LRMDA: variants seen among roughly 807,000 people sequenced by gnomAD.
LRMDA encodes leucine-rich melanocyte differentiation-associated protein.
Under a neutral mutation model 29.8 loss-of-function variants are expected in LRMDA, and 18 were observed. The observed-to-expected ratio is 0.60, with a 90% CI of 0.42 to 0.90. The LOEUF is 0.90. Ranked by LOEUF, LRMDA falls within the 40% of genes least tolerant of loss-of-function variation. The pLI, the probability that LRMDA is intolerant of heterozygous loss-of-function variation, is 0.00. For synonymous variants in LRMDA, 125 were observed against 109.4 expected (o/e 1.14, Z -0.89); for missense variants, 273 against 273.9 (o/e 1.00, Z 0.02).
chr10:75,623,547 T>C (rs932272116), intron 2 of LRMDA, among the ~76,000 whole-genome samples: 2 of 152,228 alleles, frequency 1.3e-5, no homozygotes, highest in Admixed American at 6.5e-5. Context: ...TGAAAGGGAC[T>C]GACTGCAGGA....
chr10:75,580,821 G>T (rs7897165), intron 2 of LRMDA, among the ~76,000 whole-genome samples: 3 of 151,970 alleles, frequency 2.0e-5, no homozygotes, highest in Non-Finnish European at 2.9e-5. Flanking sequence ...AATGGGGAAA[G>T]GATTCCCTAT....
At position 76,457,679 on chromosome 10, in the gene LRMDA, C is replaced by T. The variant is rs1842471125; in HGVS notation, c.602-99530C>T. On this transcript the variant is annotated intron_variant, in intron 6 of 6. Transcript: ENST00000611255. ...ATAGTGCTATGGGCCATAAGTTCGA[C>T]ATTAATGAATCAACAAAATATCTTA... Among the ~76,000 whole-genome samples, 5 of 152,214 alleles carry T rather than the reference C, an allele frequency of 3.3e-5. No homozygotes were observed. In the South Asian group the frequency reaches 1.0e-3, roughly 32 times the overall value.
At chr10:75,550,246 A>C (rs1488680155) in intron 2 of LRMDA, among the ~76,000 whole-genome samples, 1 of 152,068 alleles carries the variant, frequency 6.6e-6, no homozygotes, top group Non-Finnish European at 1.5e-5. Context: ...CTATATCTTT[A>C]CTTATTTTTG....
intron 2 of LRMDA, among the ~76,000 whole-genome samples, chr10:75,856,240 T>C (rs375709671): frequency 6.6e-6 from 1 of 152,206 alleles, no homozygotes; most frequent in Non-Finnish European, 1.5e-5. Context: ...TTTTATTTCA[T>C]TGAGCAGTGG....
intron 6 of LRMDA, among the ~76,000 whole-genome samples, chr10:76,337,838 G>A (rs1354668609): frequency 1.3e-5 from 2 of 151,920 alleles, no homozygotes; most frequent in Non-Finnish European, 2.9e-5. Flanking sequence ...TGGTTAAAGT[G>A]GAAAGTCCCA....
At chr10:76,359,793 G>A (rs948799874) in intron 6 of LRMDA, among the ~76,000 whole-genome samples, 1 of 152,152 alleles carries the variant, frequency 6.6e-6, no homozygotes, top group Non-Finnish European at 1.5e-5. Context: ...TAGAATAGCG[G>A]CTTTTGAAAG....
intron 5 of LRMDA, among the ~76,000 whole-genome samples, chr10:76,120,653 TAGAA>T (rs1849769472): frequency 6.6e-6 from 1 of 152,168 alleles, no homozygotes; most frequent in Non-Finnish European, 1.5e-5. Flanking sequence ...TGTTTGATGA[TAGAA>T]AGACCAAAAC....
intron 2 of LRMDA, among the ~76,000 whole-genome samples, chr10:75,969,262 G>T (rs1392298391): frequency 6.6e-6 from 1 of 152,196 alleles, no homozygotes; most frequent in Admixed American, 6.5e-5. Context: ...TGAGTCTAAA[G>T]TCTGTTTTCC....
chr10:75,947,977 C>T (rs531306647), intron 2 of LRMDA, among the ~76,000 whole-genome samples: 4 of 152,300 alleles, frequency 2.6e-5, no homozygotes, highest in East Asian at 1.9e-4. Context: ...ATTTGGGACC[C>T]CCACTATTAC....
chr10:76,511,750 T>A (rs1564562849), intron 6 of LRMDA, among the ~76,000 whole-genome samples: 1 of 151,438 alleles, frequency 6.6e-6, no homozygotes, highest in South Asian at 2.1e-4. Context: ...AAAGTCCATA[T>A]TCATGAATTA....
At chr10:76,507,407 TTTG>T (rs1269645665) in intron 6 of LRMDA, among the ~76,000 whole-genome samples, 1 of 151,728 alleles carries the variant, frequency 6.6e-6, no homozygotes, top group Non-Finnish European at 1.5e-5. Context: ...TATGCATTCA[TTTG>T]TTTATTGTTT....
At chr10:75,698,637 A>G (rs1004157170) in intron 2 of LRMDA, among the ~76,000 whole-genome samples, 4 of 127,116 alleles carry the variant, frequency 3.1e-5, no homozygotes, top group African/African-American at 1.1e-4. Flanking sequence ...TGTCTTCAAC[A>G]GTGGTCCGTA....
At chr10:76,248,162 G>T (rs1852409961) in intron 5 of LRMDA, among the ~76,000 whole-genome samples, 2 of 152,068 alleles carry the variant, frequency 1.3e-5, no homozygotes, top group Admixed American at 6.6e-5. Context: ...ATAATGTCTG[G>T]ATACATTTTT....
chr10:76,373,311 A>G (rs1196752827), intron 6 of LRMDA, among the ~76,000 whole-genome samples: 1 of 152,172 alleles, frequency 6.6e-6, no homozygotes, highest in Non-Finnish European at 1.5e-5. Flanking sequence ...GTCCATCAGC[A>G]TTGGCGATGT....
intron 2 of LRMDA, among the ~76,000 whole-genome samples, chr10:75,952,496 ACTCT>A (rs980083372): frequency 2.6e-5 from 4 of 150,970 alleles, no homozygotes; most frequent in African/African-American, 7.3e-5. Context: ...GTTCTCTCCC[ACTCT>A]CTCTCTCTCT....
At position 76,054,501 on chromosome 10, in the gene LRMDA, C is replaced by T. The variant is rs987912911; in HGVS notation, c.399-4165C>T. Among the ~76,000 whole-genome samples the T allele has an allele frequency of 2.0e-5, 3 of 151,886 alleles. No individual in the cohort carries two copies. The East Asian group carries it at 5.9e-4, about 30-fold the overall frequency. On this transcript the variant is annotated intron_variant, in intron 4 of 6. Transcript: ENST00000611255. The stretch of plus-strand genomic sequence containing the variant: ...CAAAGTGAGGCAAAATGACAATGTG[C>T]GGTCTGTTGTCATCATGGTTCCTGC...
intron 2 of LRMDA, among the ~76,000 whole-genome samples, chr10:75,889,919 A>G (rs146312540): frequency 6.6e-6 from 1 of 152,232 alleles, no homozygotes; most frequent in Non-Finnish European, 1.5e-5. Context: ...AAGAAGAATA[A>G]GACTCTAAGA....
At chr10:75,804,043 G>A (rs762366448) in intron 2 of LRMDA, among the ~76,000 whole-genome samples, 2 of 152,196 alleles carry the variant, frequency 1.3e-5, no homozygotes, top group Non-Finnish European at 2.9e-5. Context: ...TTGCTGTAAT[G>A]TTCTGTGACC....
At chr10:75,661,147 G>A (rs1320494928) in intron 2 of LRMDA, among the ~76,000 whole-genome samples, 2 of 152,106 alleles carry the variant, frequency 1.3e-5, no homozygotes, top group African/African-American at 4.8e-5. Context: ...ACGGGCTGGG[G>A]GAGGCCCTTC....
Sources: allele counts gnomAD v4.1 joint callset (sites outside exome capture counted in the v4.1 genomes callset), GRCh38; gene constraint gnomAD v4.1.1; transcripts MANE v1.5; gene names NCBI Gene and HGNC (gene_info 2026-07-23, HGNC 2026-07-21).